The following MYO1E variants were observed in gnomAD, a reference collection of about 807,000 sequenced individuals.
MYO1E encodes unconventional myosin-Ie.
In MYO1E, 68 loss-of-function variants were observed where a neutral mutation model predicts 151.1. The observed-to-expected ratio is 0.45, with a 90% CI of 0.37 to 0.55. The LOEUF (loss-of-function observed/expected upper bound fraction) is 0.55, where lower values mean the gene tolerates loss of function less well. Among genes scored for constraint, MYO1E ranks in the 20% least tolerant of loss-of-function variants. The pLI, the probability that MYO1E is intolerant of heterozygous loss-of-function variation, is 0.00. For missense variants in MYO1E, 1,363 were observed against 1,389.3 expected (o/e 0.98, Z 0.30); for synonymous variants, 601 against 501.7 (o/e 1.20, Z -2.64).
chr15:59,167,391 C>T (rs1270142093), intron 22 of MYO1E, among the ~76,000 whole-genome samples: 3 of 152,212 alleles, frequency 2.0e-5, no homozygotes, highest in South Asian at 2.1e-4. Flanking sequence ...TCCATGGCAC[C>T]GAACTCAACA....
At chr15:59,279,588 G>C (rs185813726) in intron 1 of MYO1E, among the ~76,000 whole-genome samples, 1 of 152,054 alleles carries the variant, frequency 6.6e-6, no homozygotes, top group African/African-American at 2.4e-5. Flanking sequence ...TCAGCAAAAA[G>C]GGGTTCATAA....
intron 5 of MYO1E, among the ~76,000 whole-genome samples, 184 bp downstream of exon 5, chr15:59,236,401 C>T (rs1230006686): frequency 6.7e-6 from 1 of 150,094 alleles, no homozygotes; most frequent in African/African-American, 2.4e-5. Context: ...CACACACACA[C>T]ACACACACAC....
At position 59,256,371 on chromosome 15, in the gene MYO1E, T is replaced by C; in HGVS notation, c.245A>G (p.Tyr82Cys). 1 of 1,606,500 alleles carries C rather than the reference T, an allele frequency of 6.2e-7. No individual in the cohort carries two copies. The highest frequency in any genetic ancestry group is 8.5e-7 in the Non-Finnish European group (1 of 1,174,592). ...GGCATAGATATGTGGTGGGTTTTCATACTGTGCCTAGAAAAGCAAAAAATA... is the reference window on the plus strand; with the variant it reads ...GGCATAGATATGTGGTGGGTTTTCACACTGTGCCTAGAAAAGCAAAAAATA... ...EIEMYQGAAQ[Y>C]ENPPHIYALA... Residue 82 changes from tyrosine to cysteine, a missense_variant, in exon 4 of 28, where the codon TAT (tyrosine) becomes TGT (cysteine). By Grantham distance (194) the Tyr-to-Cys change is radical. Coordinates refer to ENST00000288235, the MANE Select transcript of MYO1E (RefSeq NM_004998.4).
chr15:59,189,833 C>T (rs1173015144), intron 17 of MYO1E, among the ~76,000 whole-genome samples: 1 of 152,196 alleles, frequency 6.6e-6, no homozygotes, highest in Non-Finnish European at 1.5e-5. Flanking sequence ...ACGCCTGGCC[C>T]ATCCTGGTTT....
intron 1 of MYO1E, among the ~76,000 whole-genome samples, chr15:59,310,460 C>G (rs2080544052): frequency 6.6e-6 from 1 of 152,154 alleles, no homozygotes; most frequent in Non-Finnish European, 1.5e-5. Flanking sequence ...GACACAGAAA[C>G]AGACACAGGG....
intron 5 of MYO1E, among the ~76,000 whole-genome samples, chr15:59,232,756 C>G (rs777377076): frequency 1.3e-5 from 2 of 152,206 alleles, no homozygotes; most frequent in Non-Finnish European, 2.9e-5. Context: ...TCAACATTAA[C>G]TGTCTGCAGT....
intron 14 of MYO1E, chr15:59,207,923 G>T (rs748082681): frequency 1.3e-5 from 21 of 1,613,932 alleles, no homozygotes; most frequent in Non-Finnish European, 1.7e-5. Context: ...ATAATTAAGG[G>T]CCTCTATGGA....
rs530086671 is a variant in MYO1E at position 59,262,074 on chromosome 15, C to T, written c.148-565G>A. Among the ~76,000 whole-genome samples the T allele has an allele frequency of 1.1e-4, 17 of 152,104 alleles. No homozygotes were observed. In the South Asian group the frequency reaches 3.1e-3, roughly 28 times the overall value. The stretch of plus-strand genomic sequence containing the variant: ...AAAATTAGCCAGCTGTGGTGGCACA[C>T]GCCTGTAGTCCCTGCTACTGTACTC... On this transcript the variant is annotated intron_variant, in intron 2 of 27. Coordinates refer to ENST00000288235, the MANE Select transcript of MYO1E (RefSeq NM_004998.4).
In MYO1E at chr15:59,167,926, G is replaced by A. The variant is rs904404199; in HGVS notation, c.2480+3971C>T. On this transcript the variant is annotated intron_variant, in intron 22 of 27. Coordinates refer to ENST00000288235, the MANE Select transcript of MYO1E (RefSeq NM_004998.4). ...ACGCCTGACCTCAAGCAATCGGCTCGCCTCGGCCTCCCAAAGTGCTGGGAT... is the reference window on the plus strand; with the variant it reads ...ACGCCTGACCTCAAGCAATCGGCTCACCTCGGCCTCCCAAAGTGCTGGGAT... 3.6e-3 allele frequency among the ~76,000 whole-genome samples: 551 copies of A among 152,088 alleles called. 1 individual carries two copies. Among genetic ancestry groups the A allele is most frequent in the African/African-American group, 0.012 (509 of 41,488 alleles).
At chr15:59,239,637 G>A (rs1204587714) in intron 4 of MYO1E, among the ~76,000 whole-genome samples, 4 of 152,124 alleles carry the variant, frequency 2.6e-5, no homozygotes, top group African/African-American at 9.7e-5. Context: ...ATGGAAAGTA[G>A]CTCTTTTAAT....
chr15:59,323,754 A>C (rs1205055057), intron 1 of MYO1E, among the ~76,000 whole-genome samples: 1 of 152,136 alleles, frequency 6.6e-6, no homozygotes, highest in African/African-American at 2.4e-5. Flanking sequence ...GGGCCCCAGC[A>C]CACTGGAGGG....
chr15:59,139,150 C>A (rs759498362), intron 26 of MYO1E, among the ~76,000 whole-genome samples: 2 of 152,046 alleles, frequency 1.3e-5, no homozygotes, highest in Non-Finnish European at 2.9e-5. Flanking sequence ...CCTGTCTACT[C>A]CCATCCCATC....
intron 3 of MYO1E, among the ~76,000 whole-genome samples, chr15:59,256,855 G>T (rs910493800): frequency 6.6e-6 from 1 of 152,096 alleles, no homozygotes; most frequent in African/African-American, 2.4e-5. Context: ...TAGATTCTGG[G>T]GCCTCAGAGG....
intron 17 of MYO1E, 92 bp from the exon 18 acceptor site, chr15:59,188,308 C>T: frequency 1.1e-6 from 1 of 952,072 alleles, no homozygotes; most frequent in Non-Finnish European, 1.7e-6. Context: ...CAGTTCCAAG[C>T]TGTAGGGAAA....
chr15:59,195,199 G>T (rs570477365), intron 17 of MYO1E, among the ~76,000 whole-genome samples: 1 of 151,958 alleles, frequency 6.6e-6, no homozygotes, highest in African/African-American at 2.4e-5. Flanking sequence ...GTTATGTTTT[G>T]TTTTTTTTCC....
chr15:59,362,793 C>T (rs888958810), intron 1 of MYO1E, among the ~76,000 whole-genome samples: 7 of 152,182 alleles, frequency 4.6e-5, no homozygotes, highest in African/African-American at 1.2e-4. Context: ...TTGCTGTCAA[C>T]ATCAAATGGT....
At chr15:59,287,699 C>G (rs2080395105) in intron 1 of MYO1E, among the ~76,000 whole-genome samples, 1 of 152,160 alleles carries the variant, frequency 6.6e-6, no homozygotes, top group Non-Finnish European at 1.5e-5. Context: ...GGGTTTCCTC[C>G]CACATGCCAA....
chr15:59,291,479 C>T (rs748277956), intron 1 of MYO1E, among the ~76,000 whole-genome samples: 4 of 139,816 alleles, frequency 2.9e-5, no homozygotes, highest in Non-Finnish European at 5.9e-5. Flanking sequence ...TGCACTAAAA[C>T]AAACAAACAA....
intron 24 of MYO1E, 105 bp downstream of exon 24, chr15:59,160,968 G>A (rs2079534744): frequency 1.4e-6 from 2 of 1,437,316 alleles, no homozygotes; most frequent in South Asian, 1.2e-5. Flanking sequence ...AGCAGAAGGT[G>A]TACTGATTCT....
Sources: gnomAD v4.1 joint callset for allele counts (sites outside exome capture counted in the v4.1 genomes callset) on GRCh38, gnomAD v4.1.1 for gene constraint, MANE v1.5 for transcripts, NCBI Gene and HGNC (gene_info 2026-07-23, HGNC 2026-07-21) for gene names.